SLC36A1: variants seen among roughly 807,000 people sequenced by gnomAD.
The protein encoded by SLC36A1 is solute carrier family 36 member 1.
A neutral mutation model predicts 47.5 loss-of-function variants in SLC36A1; 30 were observed. That is an observed-to-expected ratio of 0.63 (90% CI 0.47 to 0.86). SLC36A1 has a LOEUF of 0.86. Ranked by LOEUF, SLC36A1 falls within the 40% of genes least tolerant of loss-of-function variation. SLC36A1 has a pLI of 0.00. For missense variants in SLC36A1, 517 were observed against 606.0 expected (o/e 0.85, Z 1.54); for synonymous variants, 255 against 249.7 (o/e 1.02, Z -0.20).
At chr5:151,512,100 GCTTTTCCCA>G in the SLC36A1 span, 1 of 1,481,204 alleles carries the variant, frequency 6.8e-7, no homozygotes, top group Non-Finnish European at 9.2e-7. The surrounding 1 kb of genome is among the most constrained non-coding windows in gnomAD (Gnocchi z 4.1). Context: ...ACCCTGACAT[GCTTTTCCCA>G]CCTGAAGAGC....
At chr5:151,382,749 G>A in the SLC36A1 span, among the ~76,000 whole-genome samples, 1 of 152,190 alleles carries the variant, frequency 6.6e-6, no homozygotes, top group African/African-American at 2.4e-5. Context: ...ATGGCCGTGA[G>A]TGACAACATG....
At chr5:151,495,797 G>A (rs186201324), downstream of SLC36A1, among the ~76,000 whole-genome samples, 297 of 152,006 alleles carry the variant, frequency 2.0e-3, 1 homozygote, top group Non-Finnish European at 3.4e-3. Context: ...TTGGGGATTG[G>A]CTTCTTTCAC....
the SLC36A1 span, among the ~76,000 whole-genome samples, chr5:151,500,205 C>T: frequency 6.6e-6 from 1 of 152,182 alleles, no homozygotes; most frequent in Admixed American, 6.5e-5. Flanking sequence ...GGCGCACCTC[C>T]CGAGTCAGGC....
intron 1 of SLC36A1, among the ~76,000 whole-genome samples, chr5:151,458,246 G>A (rs1223084799): frequency 8.0e-5 from 11 of 137,302 alleles, no homozygotes; most frequent in Non-Finnish European, 1.8e-4. Flanking sequence ...CCAAGAGCTT[G>A]TACATATATA....
chr5:151,457,653 G>C (rs1251478714), intron 1 of SLC36A1, among the ~76,000 whole-genome samples: 1 of 152,112 alleles, frequency 6.6e-6, no homozygotes, highest in Non-Finnish European at 1.5e-5. Flanking sequence ...CCATTTCTCA[G>C]TACTCAGGTT....
At chr5:151,459,707 G>A (rs1755221223) in intron 2 of SLC36A1, 1 of 152,232 alleles carries the variant, frequency 6.6e-6, no homozygotes, top group Admixed American at 6.5e-5. Flanking sequence ...CTCAAGCTTA[G>A]CTATTACCTT....
chr5:151,393,368 T>C, the SLC36A1 span, among the ~76,000 whole-genome samples: 1 of 152,208 alleles, frequency 6.6e-6, no homozygotes, highest in African/African-American at 2.4e-5. Context: ...TTTGCCAGTC[T>C]GTGTCTTTTA....
chr5:151,453,648 T>C (rs758007974), intron 1 of SLC36A1, among the ~76,000 whole-genome samples: 2 of 152,174 alleles, frequency 1.3e-5, no homozygotes, highest in Non-Finnish European at 2.9e-5. Context: ...CTCAATTCTA[T>C]ATCAAAATAA....
the SLC36A1 span, among the ~76,000 whole-genome samples, chr5:151,349,539 T>C: frequency 6.6e-6 from 1 of 152,102 alleles, no homozygotes; most frequent in African/African-American, 2.4e-5. Context: ...CTTTGCAAGA[T>C]GGATACTAGA....
the SLC36A1 span, chr5:151,554,248 G>T: frequency 1.0e-6 from 1 of 956,698 alleles, no homozygotes; most frequent in Non-Finnish European, 1.5e-6. Context: ...AGGCCAGGAA[G>T]GAGAGTACCA....
the SLC36A1 span, among the ~76,000 whole-genome samples, chr5:151,417,451 C>T: frequency 4.6e-5 from 7 of 152,154 alleles, no homozygotes; most frequent in Non-Finnish European, 1.0e-4. Flanking sequence ...GCCCTACCCA[C>T]GAAACCATTT....
At chr5:151,350,929 C>T in the SLC36A1 span, among the ~76,000 whole-genome samples, 3 of 152,152 alleles carry the variant, frequency 2.0e-5, no homozygotes, top group Admixed American at 6.5e-5. Flanking sequence ...AATTCCTGAG[C>T]CCGCCTTGGC....
the SLC36A1 span, among the ~76,000 whole-genome samples, chr5:151,516,711 C>T: frequency 6.6e-6 from 1 of 152,050 alleles, no homozygotes; most frequent in Admixed American, 6.6e-5. Flanking sequence ...CTGATGAGAC[C>T]CAAGCACCTA....
chr5:151,358,853 A>G, the SLC36A1 span, among the ~76,000 whole-genome samples: 2 of 151,736 alleles, frequency 1.3e-5, no homozygotes, highest in Non-Finnish European at 2.9e-5. Context: ...GGGTGCCTGT[A>G]GTCCCAGCTA....
chr5:151,459,695 TC>T (rs1169743795), intron 2 of SLC36A1: 2 of 152,292 alleles, frequency 1.3e-5, no homozygotes, highest in Non-Finnish European at 2.9e-5. Context: ...TCCTGTTTAT[TC>T]CTCAAGCTTA....
chr5:151,556,027 C>A, the SLC36A1 span, among the ~76,000 whole-genome samples: 1 of 152,214 alleles, frequency 6.6e-6, no homozygotes, highest in Non-Finnish European at 1.5e-5. Context: ...ATGATTCTGT[C>A]TGCCTGAGCC....
the SLC36A1 span, chr5:151,543,367 G>A: frequency 1.2e-4 from 199 of 1,614,062 alleles, no homozygotes; most frequent in Admixed American, 4.2e-4. Context: ...GTACTCAGAT[G>A]CTTTGAACTG....
chr5:151,556,037 C>G, the SLC36A1 span, among the ~76,000 whole-genome samples: 1 of 152,178 alleles, frequency 6.6e-6, no homozygotes, highest in Admixed American at 6.5e-5. Flanking sequence ...CTGCCTGAGC[C>G]AGGAGGGATG....
chr5:151,433,148 T>C (rs1419286802), upstream of SLC36A1, among the ~76,000 whole-genome samples: 2 of 142,990 alleles, frequency 1.4e-5, no homozygotes, highest in Non-Finnish European at 3.0e-5. Context: ...ATTATAATTA[T>C]TACCATGGTA....
Sources: gnomAD v4.1 joint callset for allele counts (sites outside exome capture counted in the v4.1 genomes callset) on GRCh38, gnomAD v4.1.1 for gene constraint, Gnocchi (gnomAD v3.1) non-coding constraint, MANE v1.5 for transcripts, NCBI Gene and HGNC (gene_info 2026-07-23, HGNC 2026-07-21) for gene names.